The following ARHGAP6 variants were observed in gnomAD, a reference collection of about 807,000 sequenced individuals.
ARHGAP6 encodes the protein Rho GTPase activating protein 6.
In ARHGAP6, 16 loss-of-function variants were observed where a neutral mutation model predicts 55.7. That is an observed-to-expected ratio of 0.29 (90% confidence interval 0.19 to 0.44). The LOEUF (loss-of-function observed/expected upper bound fraction) is 0.44, where lower values mean the gene tolerates loss of function less well. Ranked by LOEUF, ARHGAP6 falls within the 20% of genes least tolerant of loss-of-function variation. ARHGAP6 has a pLI of 1.00. For missense variants in ARHGAP6, 698 were observed against 808.9 expected (o/e 0.86, Z 1.66); for synonymous variants, 382 against 360.9 (o/e 1.06, Z -0.66).
chrX:11,218,596 A>G (rs2046914644), intron 2 of ARHGAP6, among the ~76,000 whole-genome samples: 1 of 110,726 alleles, frequency 9.0e-6, no homozygotes, highest in South Asian at 3.9e-4. Context: ...TGATCCTGGG[A>G]TTTTTTTGGT....
At chrX:11,345,324 C>T (rs1398297990) in intron 1 of ARHGAP6, among the ~76,000 whole-genome samples, 2 of 111,988 alleles carry the variant, frequency 1.8e-5, no homozygotes, top group Non-Finnish European at 3.8e-5. Flanking sequence ...CTGACAATAG[C>T]CTCTTTAGAA....
intron 1 of ARHGAP6, among the ~76,000 whole-genome samples, chrX:11,477,371 T>C (rs751245634): frequency 8.9e-6 from 1 of 111,759 alleles, no homozygotes; most frequent in South Asian, 3.7e-4. Context: ...TTGGTAAGAA[T>C]ATGGAACAAT....
intron 9 of ARHGAP6, among the ~76,000 whole-genome samples, chrX:11,159,877 C>T (rs1376615424): frequency 9.0e-6 from 1 of 110,953 alleles, no homozygotes; most frequent in Non-Finnish European, 1.9e-5. Context: ...ATAAATTAAA[C>T]AGAAAGACAT....
chrX:11,138,832 C>A lies in ARHGAP6; in HGVS notation c.*31G>T, dbSNP rs1205732316. The A allele has an allele frequency of 6.0e-6, 7 of 1,157,865 alleles. No individual in the cohort carries two copies. The South Asian group carries it at 9.5e-5, about 16-fold the overall frequency. On this transcript the variant is annotated 3_prime_UTR_variant, in exon 13 of 13. Coordinates refer to ENST00000337414, the MANE Select transcript of ARHGAP6 (RefSeq NM_013427.3). ...CCCCTGGGCTGGAGGGCGGGGGGCTCGGGGCAGGGGGGGCTCGGCTGGGTG... is the reference window on the plus strand; with the variant it reads ...CCCCTGGGCTGGAGGGCGGGGGGCTAGGGGCAGGGGGGGCTCGGCTGGGTG...
intron 1 of ARHGAP6, among the ~76,000 whole-genome samples, chrX:11,600,935 G>A (rs1301805156): frequency 8.9e-6 from 1 of 111,839 alleles, no homozygotes; most frequent in East Asian, 2.8e-4. Flanking sequence ...GTAAAACTAA[G>A]GAAGCACACT....
At chrX:11,659,897 T>C (rs1424711715) in intron 1 of ARHGAP6, among the ~76,000 whole-genome samples, 1 of 112,014 alleles carries the variant, frequency 8.9e-6, no homozygotes, top group Admixed American at 9.4e-5. Context: ...TTTGTGTTGC[T>C]TGAAGCCACT....
chrX:11,538,092 C>A (rs943252605), intron 1 of ARHGAP6, among the ~76,000 whole-genome samples: 4 of 111,874 alleles, frequency 3.6e-5, no homozygotes, highest in African/African-American at 1.3e-4. Flanking sequence ...AATATATGCT[C>A]ATTTCTAAAA....
At chrX:11,232,434 A>T (rs1396808246) in intron 2 of ARHGAP6, among the ~76,000 whole-genome samples, 1 of 110,238 alleles carries the variant, frequency 9.1e-6, no homozygotes, top group Non-Finnish European at 1.9e-5. Flanking sequence ...CAGCCTGGCC[A>T]ACATGGTGAA....
At chrX:11,513,296 A>G (rs1217458775) in intron 1 of ARHGAP6, among the ~76,000 whole-genome samples, 1 of 111,722 alleles carries the variant, frequency 9.0e-6, no homozygotes, top group East Asian at 2.8e-4. Flanking sequence ...ACCACCAACA[A>G]AAAAACCCAC....
At chrX:11,570,867 T>C (rs1311957117) in intron 1 of ARHGAP6, among the ~76,000 whole-genome samples, 1 of 111,422 alleles carries the variant, frequency 9.0e-6, no homozygotes, top group East Asian at 2.8e-4. Context: ...TATTGGGAGG[T>C]AGGGGCCTTT....
At chrX:11,296,794 G>A in intron 1 of ARHGAP6, 1 of 1,209,986 alleles carries the variant, frequency 8.3e-7, no homozygotes, top group South Asian at 1.8e-5. Context: ...ACCTCATCCT[G>A]GGCACCCTGG....
At chrX:11,601,391 T>C (rs754175432) in intron 1 of ARHGAP6, among the ~76,000 whole-genome samples, 1 of 111,209 alleles carries the variant, frequency 9.0e-6, no homozygotes, top group South Asian at 3.8e-4. Flanking sequence ...ATGTGGTGAA[T>C]GGTGGGAGGG....
chrX:11,369,978 G>A (rs1213679847), intron 1 of ARHGAP6, among the ~76,000 whole-genome samples: 1 of 112,412 alleles, frequency 8.9e-6, no homozygotes, highest in African/African-American at 3.2e-5. Flanking sequence ...CCAAAAGTTG[G>A]CAATTAATGC....
At chrX:11,287,815 A>G (rs1018746369) in intron 1 of ARHGAP6, among the ~76,000 whole-genome samples, 1 of 112,507 alleles carries the variant, frequency 8.9e-6, no homozygotes, top group African/African-American at 3.2e-5. Flanking sequence ...AATGAACAAT[A>G]GAATTATTTT....
chrX:11,186,710 T>A (rs1251481283), intron 4 of ARHGAP6, among the ~76,000 whole-genome samples: 1 of 111,824 alleles, frequency 8.9e-6, no homozygotes, highest in Non-Finnish European at 1.9e-5. Context: ...GGGAAACATA[T>A]AATTAAAGTA....
intron 1 of ARHGAP6, among the ~76,000 whole-genome samples, chrX:11,353,145 T>C (rs913200985): frequency 1.2e-4 from 13 of 111,779 alleles, no homozygotes; most frequent in Non-Finnish European, 5.6e-5. Flanking sequence ...CTTTGCACTA[T>C]TGAAGAAATC....
intron 1 of ARHGAP6, among the ~76,000 whole-genome samples, chrX:11,553,418 T>C (rs2051290606): frequency 9.1e-6 from 1 of 109,946 alleles, no homozygotes; most frequent in Non-Finnish European, 1.9e-5. Context: ...ATTTTTGTAT[T>C]TTTTTTTAGA....
intron 1 of ARHGAP6, among the ~76,000 whole-genome samples, chrX:11,496,281 A>G (rs748049347): frequency 8.9e-6 from 1 of 112,614 alleles, no homozygotes; most frequent in Non-Finnish European, 1.9e-5. Flanking sequence ...ACTTTCAATC[A>G]TGTACTCTGT....
At chrX:11,333,945 C>A (rs1335515106) in intron 1 of ARHGAP6, among the ~76,000 whole-genome samples, 1 of 111,845 alleles carries the variant, frequency 8.9e-6, no homozygotes, top group African/African-American at 3.3e-5. Context: ...CTATGAGTTT[C>A]TCACACATGT....
Sources: allele counts gnomAD v4.1 joint callset (sites outside exome capture counted in the v4.1 genomes callset), GRCh38; gene constraint gnomAD v4.1.1; transcripts MANE v1.5; gene names NCBI Gene and HGNC (gene_info 2026-07-23, HGNC 2026-07-21).